Variants in BCAS1 observed in about 807,000 individuals in gnomAD.
BCAS1 encodes the protein brain enriched myelin associated protein 1.
A neutral mutation model predicts 65.4 loss-of-function variants in BCAS1; 46 were observed. The ratio of observed to expected loss-of-function variants is 0.70; its 90% CI spans 0.55 to 0.90. BCAS1 has a LOEUF of 0.90. Among genes scored for constraint, BCAS1 ranks in the 40% least tolerant of loss-of-function variants. The pLI is 0.00. For missense variants in BCAS1, 793 were observed against 771.2 expected (o/e 1.03, Z -0.33); for synonymous variants, 298 against 293.5 (o/e 1.02, Z -0.16).
At chr20:54,065,192 C>T (rs528555083) in intron 1 of BCAS1, among the ~76,000 whole-genome samples, 5 of 150,968 alleles carry the variant, frequency 3.3e-5, no homozygotes, top group Admixed American at 3.3e-4. Context: ...ATCTCACACA[C>T]ACTATATATA....
Position 53,985,276 on chromosome 20 carries a change from A to C in BCAS1, c.1275+11T>G. ...CCGGACGACTCTCTAACGCTTGAAA[A>C]TCAGACTTACCTTTTTCCAAAACAG... On this transcript the variant is annotated intron_variant, in intron 8 of 12. Coordinates refer to ENST00000688948, the MANE Select transcript of BCAS1 (RefSeq NM_001366298.2). 6.2e-7 allele frequency: 1 copy of C among 1,612,370 alleles called. No homozygotes were observed. The highest frequency in any genetic ancestry group is 8.5e-7 in the Non-Finnish European group (1 of 1,179,716).
intron 10 of BCAS1, 127 bp from the exon 11 acceptor site, chr20:53,957,624 C>A: frequency 1.3e-6 from 1 of 775,160 alleles, no homozygotes; most frequent in South Asian, 1.6e-5. Context: ...AATGGAAGGC[C>A]AACTGGAAAC....
intron 1 of BCAS1, among the ~76,000 whole-genome samples, chr20:54,069,839 C>T (rs1001920670): frequency 1.3e-5 from 2 of 152,166 alleles, no homozygotes; most frequent in African/African-American, 4.8e-5. Flanking sequence ...TGCAGCGCAC[C>T]CGCATTCTAA....
chr20:54,047,791 A>G (rs981335462), intron 3 of BCAS1, among the ~76,000 whole-genome samples: 2 of 152,250 alleles, frequency 1.3e-5, no homozygotes, highest in Non-Finnish European at 2.9e-5. Flanking sequence ...ACAGAGTGGG[A>G]GCAGGTTTGA....
Position 54,023,431 on chromosome 20 carries a change from A to G in BCAS1, c.723+4961T>C, listed in dbSNP as rs116964866. On this transcript the variant is annotated intron_variant, in intron 4 of 12. Transcript: ENST00000688948. ...TTCCCTGGTAAGATTTGATGGCTCA[A>G]TGAGCTGATTTCTACAAAATGATTT... 5.4e-3 allele frequency among the ~76,000 whole-genome samples: 827 copies of G among 152,354 alleles called. 6 individuals carry two copies. The highest frequency in any genetic ancestry group is 9.5e-3 in the Non-Finnish European group (647 of 68,032).
chr20:54,031,665 C>T (rs1320547856), intron 3 of BCAS1, among the ~76,000 whole-genome samples: 1 of 151,374 alleles, frequency 6.6e-6, no homozygotes, highest in Non-Finnish European at 1.5e-5. Context: ...CCAATCATGT[C>T]ATTTAAACAT....
chr20:54,003,364 G>C (rs748826836), intron 4 of BCAS1, among the ~76,000 whole-genome samples: 16 of 151,940 alleles, frequency 1.1e-4, no homozygotes, highest in Non-Finnish European at 2.2e-4. Flanking sequence ...TTTGTACACT[G>C]TGCTCTCCAG....
intron 3 of BCAS1, among the ~76,000 whole-genome samples, chr20:54,041,276 T>A (rs915792836): frequency 8.6e-5 from 13 of 151,368 alleles, no homozygotes; most frequent in African/African-American, 3.1e-4. Flanking sequence ...GGTGCAAATA[T>A]CCTTAAAATC....
In BCAS1 at chr20:53,957,498, C is replaced by G; in HGVS notation, c.1486-1G>C. 1 of 1,613,796 alleles carries G rather than the reference C, an allele frequency of 6.2e-7. No individual in the cohort carries two copies. Among genetic ancestry groups the G allele is most frequent in the Non-Finnish European group, 8.5e-7 (1 of 1,179,706 alleles). ...TGATCCCTCCATCCCCTTTCACTGA[C>G]TAAAATAACAAACAGACAATGGCCT... On this transcript the variant is annotated splice_acceptor_variant, in intron 10 of 12. Coordinates refer to ENST00000688948, the MANE Select transcript of BCAS1 (RefSeq NM_001366298.2). LOFTEE classifies it high-confidence loss of function.
intron 6 of BCAS1, among the ~76,000 whole-genome samples, chr20:53,994,353 T>G (rs774395839): frequency 6.6e-6 from 1 of 152,204 alleles, no homozygotes; most frequent in Non-Finnish European, 1.5e-5. Context: ...AAGATGGTAT[T>G]TCAAACCAAG....
At chr20:53,951,396 G>A (rs1033878369) in intron 12 of BCAS1, among the ~76,000 whole-genome samples, 5 of 152,214 alleles carry the variant, frequency 3.3e-5, no homozygotes, top group East Asian at 3.9e-4. Context: ...GCTTGAACCC[G>A]GGATGCGGAG....
chr20:53,979,853 G>A (rs2090433028), intron 8 of BCAS1, among the ~76,000 whole-genome samples: 1 of 152,180 alleles, frequency 6.6e-6, no homozygotes, highest in African/African-American at 2.4e-5. Flanking sequence ...ATTAGCAACA[G>A]CAATTTTTAT....
intron 3 of BCAS1, among the ~76,000 whole-genome samples, chr20:54,056,189 A>G (rs1308005809): frequency 6.6e-6 from 1 of 152,192 alleles, no homozygotes; most frequent in Non-Finnish European, 1.5e-5. Flanking sequence ...AACAAAAACA[A>G]AAAAGTAGCT....
intron 3 of BCAS1, among the ~76,000 whole-genome samples, chr20:54,038,358 C>T (rs1371026117): frequency 6.6e-6 from 1 of 151,312 alleles, no homozygotes; most frequent in East Asian, 1.9e-4. Context: ...TTCTTCTTCA[C>T]TTGTTTCCTC....
At chr20:53,991,734 A>G (rs1038888381) in intron 7 of BCAS1, among the ~76,000 whole-genome samples, 19 of 152,236 alleles carry the variant, frequency 1.2e-4, no homozygotes, top group Non-Finnish European at 2.1e-4. Context: ...AGCTTAGTTA[A>G]TATTGGAAAT....
At chr20:54,053,306 T>C (rs893061337) in intron 3 of BCAS1, among the ~76,000 whole-genome samples, 1 of 152,262 alleles carries the variant, frequency 6.6e-6, no homozygotes, top group African/African-American at 2.4e-5. Context: ...TTACTTAATG[T>C]TTGTTTGATA....
chr20:54,007,296 T>C (rs1014383085), intron 4 of BCAS1, among the ~76,000 whole-genome samples: 2 of 152,136 alleles, frequency 1.3e-5, no homozygotes, highest in Non-Finnish European at 1.5e-5. Flanking sequence ...CAAAACAAAA[T>C]GGAATACAGT....
chr20:53,990,034 C>T (rs1391004893), intron 7 of BCAS1, among the ~76,000 whole-genome samples: 2 of 152,142 alleles, frequency 1.3e-5, no homozygotes, highest in Admixed American at 1.3e-4. Flanking sequence ...TGTCAAATGA[C>T]CTTACCTTCT....
intron 1 of BCAS1, among the ~76,000 whole-genome samples, chr20:54,069,802 G>A (rs564994682): frequency 3.9e-4 from 59 of 152,358 alleles, no homozygotes; most frequent in Non-Finnish European, 7.6e-4. Context: ...CCAGGGTGGA[G>A]CTGGGGCTGG....
Sources: gnomAD v4.1 joint callset for allele counts (sites outside exome capture counted in the v4.1 genomes callset) on GRCh38, gnomAD v4.1.1 for gene constraint, MANE v1.5 for transcripts, NCBI Gene and HGNC (gene_info 2026-07-23, HGNC 2026-07-21) for gene names.